The following RFTN1 variants were observed in gnomAD, a reference collection of about 807,000 sequenced individuals.
The protein encoded by RFTN1 is raftlin.
RFTN1 carries 26 observed loss-of-function variants against 46.5 expected under a neutral mutation model. That is an observed-to-expected ratio of 0.56 (90% CI 0.41 to 0.78). The LOEUF is 0.78. Ranked by LOEUF, RFTN1 falls within the 30% of genes least tolerant of loss-of-function variation. The probability of loss-of-function intolerance (pLI) is 0.00; values close to 1 mark genes in which losing one functional copy is unlikely to be tolerated. For missense variants in RFTN1, 693 were observed against 718.7 expected (o/e 0.96, Z 0.41); for synonymous variants, 261 against 284.2 (o/e 0.92, Z 0.82).
intron 9 of RFTN1, among the ~76,000 whole-genome samples, chr3:16,318,940 C>T (rs540576758): frequency 8.5e-5 from 13 of 152,260 alleles, no homozygotes; most frequent in Middle Eastern, 3.4e-3. Context: ...CTACTTAAGC[C>T]GAGCCTGCCA....
rs555438403 is a variant in RFTN1, at chr3:16,491,427, G to A, written c.145+2298C>T. Among the ~76,000 whole-genome samples, 10 of 152,344 alleles carry A rather than the reference G, an allele frequency of 6.6e-5. No individual in the cohort carries two copies. The South Asian group carries it at 8.3e-4, about 13-fold the overall frequency. On this transcript the variant is annotated intron_variant, in intron 2 of 9. Transcript: ENST00000334133. ...GAGCAGAGAACTGGCAGGATCTGTA[G>A]GAGGACGAGGGCAGGAGCAGGGAGG... is the stretch of plus-strand genomic sequence containing the variant.
chr3:16,368,756 ATATAGT>A (rs1220374590), intron 6 of RFTN1, among the ~76,000 whole-genome samples: 2 of 152,232 alleles, frequency 1.3e-5, no homozygotes, highest in African/African-American at 4.8e-5. Flanking sequence ...CACTAGCCAC[ATATAGT>A]TATTTAAACT....
Position 16,387,624 on chromosome 3 carries a change from C to T in RFTN1, c.442-9522G>A, listed in dbSNP as rs1224790185. 1.4e-5 allele frequency among the ~76,000 whole-genome samples: 2 copies of T among 146,430 alleles called. No individual in the cohort carries two copies. The highest frequency in any genetic ancestry group is 3.0e-5 in the Non-Finnish European group (2 of 66,742). ...TCTCTCTCTCTCTACTGGCTCCTTC[C>T]ACTCAGCATACAACTAAATTCAAGT... is the stretch of plus-strand genomic sequence containing the variant. On this transcript the variant is annotated intron_variant, in intron 4 of 9. Coordinates refer to ENST00000334133, the MANE Select transcript of RFTN1 (RefSeq NM_015150.2). This position sits in a 1 kb window ranked among gnomAD's most constrained non-coding sequence, Gnocchi z 5.2.
At chr3:16,391,753 G>T (rs564026936) in intron 4 of RFTN1, among the ~76,000 whole-genome samples, 1 of 151,700 alleles carries the variant, frequency 6.6e-6, no homozygotes, top group African/African-American at 2.4e-5. Context: ...ATCAAATAAG[G>T]CTCTTTGATA....
At position 16,509,716 on chromosome 3, in the gene RFTN1, G is replaced by A. The variant is rs2076866519; in HGVS notation, c.-9+3726C>T. Among the ~76,000 whole-genome samples, 1 of 152,116 alleles carries A rather than the reference G, an allele frequency of 6.6e-6. No homozygotes were observed. The highest frequency in any genetic ancestry group is 6.6e-5 in the Admixed American group (1 of 15,264). ...CGAGTAAAATACATCCTGGGGCCCT[G>A]ACATCTTGACACCCACTGTCAACCT... On this transcript the variant is annotated intron_variant, in intron 1 of 9. Transcript: ENST00000334133. This position sits in a 1 kb window ranked among gnomAD's most constrained non-coding sequence, Gnocchi z 4.9.
rs1432947801 is a variant in RFTN1 at position 16,326,668 on chromosome 3, CT to C, written c.1250+104del. The C allele has an allele frequency of 1.1e-5, 9 of 847,886 alleles. No individual in the cohort carries two copies. In the Admixed American group the frequency reaches 1.2e-4, roughly 12 times the overall value. The allele number at this position is 847,886 out of a possible 1,614,324, so 52.5% of individuals were successfully genotyped here. A position where few individuals can be genotyped will look rare whatever the true frequency, so the allele number is the denominator to read the frequency against. The stretch of plus-strand genomic sequence containing the variant: ...GGAGAGTTTACATAACTACCAGCCT[CT>C]TGCACAGGATTAAATAATTTATAGA... On this transcript the variant is annotated intron_variant, in intron 8 of 9. Transcript: ENST00000334133.
chr3:16,471,587 AATTACAGAACAGGGAGTAGAACCTGG>A, intron 2 of RFTN1, among the ~76,000 whole-genome samples: 1 of 152,196 alleles, frequency 6.6e-6, no homozygotes, highest in African/African-American at 2.4e-5. Context: ...CCAGCTGGCC[AATTACAGAACAGGGAGTAGAACCTGG>A]ATCTATTTTT....
intron 7 of RFTN1, chr3:16,350,130 T>C (rs971066098): frequency 1.3e-5 from 2 of 152,234 alleles, no homozygotes; most frequent in Non-Finnish European, 2.9e-5. Flanking sequence ...AAATTAACCA[T>C]CACAGGACAA....
At chr3:16,491,650 G>C (rs1258909744) in intron 2 of RFTN1, among the ~76,000 whole-genome samples, 1 of 152,088 alleles carries the variant, frequency 6.6e-6, no homozygotes, top group African/African-American at 2.4e-5. Flanking sequence ...TGAAGCAGTG[G>C]GGGGACAAAG....
In RFTN1 at chr3:16,342,204, C is replaced by T. The variant is rs2071361363; in HGVS notation, c.1147-15328G>A. Reference sequence around the variant, plus strand: ...ACCTATTAGCAGTCACTCCCCTTTCCCCCCACCCACCCCGAGGCAACCACG... The same window carrying T: ...ACCTATTAGCAGTCACTCCCCTTTCTCCCCACCCACCCCGAGGCAACCACG... On this transcript the variant is annotated intron_variant, in intron 7 of 9. Transcript: ENST00000334133. This position sits in a 1 kb window ranked among gnomAD's most constrained non-coding sequence, Gnocchi z 4.0. 6.6e-6 allele frequency among the ~76,000 whole-genome samples: 1 copy of T among 152,070 alleles called. No individual in the cohort carries two copies. Among genetic ancestry groups the T allele is most frequent in the Admixed American group, 6.6e-5 (1 of 15,250 alleles).
intron 4 of RFTN1, among the ~76,000 whole-genome samples, chr3:16,391,888 TTTTTTG>T (rs1416390115): frequency 0.22 from 13,234 of 59,000 alleles, 2,224 homozygotes; most frequent in African/African-American, 0.46. Flanking sequence ...TTTTGTTTTT[TTTTTTG>T]TTTTTTTTAC....
Position 16,370,200 on chromosome 3 carries a change from G to A in RFTN1, c.906C>T (p.Leu302=). 1 of 1,614,230 alleles carries A rather than the reference G, an allele frequency of 6.2e-7. No homozygotes were observed. The highest frequency in any genetic ancestry group is 8.5e-7 in the Non-Finnish European group (1 of 1,180,036). The change falls in exon 6 of 10, where the codon CTC becomes CTT. Residue 302 remains leucine (L), a synonymous_variant. Transcript: ENST00000334133. The surrounding 1 kb of genome is among the most constrained non-coding windows in gnomAD (Gnocchi z 5.5). ...CTGTCTGGCCATTCTTGGAGACATG[G>A]AGAGGAATGGTGACAGGGTAGTATT... The part of the protein sequence containing the change: ...CRQYYPVTIP[L]HVSKNGQTVS...
intron 7 of RFTN1, among the ~76,000 whole-genome samples, chr3:16,331,716 A>C (rs1179362341): frequency 6.6e-6 from 1 of 152,152 alleles, no homozygotes; most frequent in Non-Finnish European, 1.5e-5. Flanking sequence ...GCTGCTTTTC[A>C]TGCCTGGGTT....
chr3:16,482,992 C>T, intron 2 of RFTN1: 2 of 617,540 alleles, frequency 3.2e-6, no homozygotes, highest in Non-Finnish European at 5.7e-6. Context: ...TCTAGCCATC[C>T]ACCTTCCCTC....
intron 2 of RFTN1, among the ~76,000 whole-genome samples, chr3:16,453,001 C>T (rs1575314877): frequency 6.6e-6 from 1 of 152,172 alleles, no homozygotes; most frequent in African/African-American, 2.4e-5. Context: ...ACAACAGTAA[C>T]AATGATAGCT....
rs1365549689 is a variant in RFTN1 at position 16,460,526 on chromosome 3, T to G, written c.146-26489A>C. Among the ~76,000 whole-genome samples the G allele has an allele frequency of 1.3e-5, 2 of 152,176 alleles. No individual in the cohort carries two copies. Among genetic ancestry groups the G allele is most frequent in the African/African-American group, 4.8e-5 (2 of 41,446 alleles). ...GTGGGAAATAAAATAGTTGGATCAA[T>G]GACGTCAACAACCAACGCCGCTGTC... On this transcript the variant is annotated intron_variant, in intron 2 of 9. Coordinates refer to ENST00000334133, the MANE Select transcript of RFTN1 (RefSeq NM_015150.2). The surrounding 1 kb of genome is among the most constrained non-coding windows in gnomAD (Gnocchi z 4.8).
At chr3:16,391,868 TG>T (rs756875815) in intron 4 of RFTN1, among the ~76,000 whole-genome samples, 72,054 of 104,432 alleles carry the variant, frequency 0.69, 26,545 homozygotes, top group East Asian at 0.82. Context: ...GTTTTTTTTT[TG>T]TTTTTTTTTT....
chr3:16,454,668 A>C (rs1372112326), intron 2 of RFTN1: 1 of 677,364 alleles, frequency 1.5e-6, no homozygotes, highest in Non-Finnish European at 1.8e-6. Flanking sequence ...CTCATTCCCT[A>C]ACTGCTTAGA....
At chr3:16,373,379 C>T (rs890282076) in intron 5 of RFTN1, among the ~76,000 whole-genome samples, 5 of 152,206 alleles carry the variant, frequency 3.3e-5, no homozygotes, top group African/African-American at 1.2e-4. Flanking sequence ...AAAGTGAGGG[C>T]AGGTTAAGGG....
Sources: gnomAD v4.1 joint callset for allele counts (sites outside exome capture counted in the v4.1 genomes callset) on GRCh38, gnomAD v4.1.1 for gene constraint, Gnocchi (gnomAD v3.1) non-coding constraint, MANE v1.5 for transcripts, NCBI Gene and HGNC (gene_info 2026-07-23, HGNC 2026-07-21) for gene names.